CDH4: variants seen among roughly 807,000 people sequenced by gnomAD.
CDH4 encodes cadherin-4.
CDH4 carries 33 observed loss-of-function variants against 86.0 expected under a neutral mutation model. The observed-to-expected ratio is 0.38, with a 90% CI of 0.29 to 0.51. CDH4 has a LOEUF of 0.51. CDH4 is among the 20% of genes least tolerant of loss of function. The pLI, the probability that CDH4 is intolerant of heterozygous loss-of-function variation, is 0.86. For missense variants in CDH4, 1,114 were observed against 1,307.4 expected (o/e 0.85, Z 2.28); for synonymous variants, 555 against 549.4 (o/e 1.01, Z -0.14).
chr20:61,816,350 G>C (rs1050724474), intron 4 of CDH4, among the ~76,000 whole-genome samples: 2 of 152,188 alleles, frequency 1.3e-5, no homozygotes, highest in Non-Finnish European at 2.9e-5. Context: ...CATTCTGGTA[G>C]CAGAGTTCAG....
intron 2 of CDH4, among the ~76,000 whole-genome samples, chr20:61,653,920 A>AG (rs371469938): frequency 0.35 from 43,587 of 125,542 alleles, 9,967 homozygotes; most frequent in Non-Finnish European, 0.44. Flanking sequence ...GGCCGCGCAG[A>AG]GACACTCCTC....
chr20:61,367,120 A>G (rs2084814929), intron 2 of CDH4, among the ~76,000 whole-genome samples: 1 of 152,150 alleles, frequency 6.6e-6, no homozygotes, highest in African/African-American at 2.4e-5. Context: ...GCAAATGTGC[A>G]GGTCCTCAGG....
chr20:61,832,637 A>G (rs1214475021), intron 4 of CDH4, among the ~76,000 whole-genome samples: 1 of 152,132 alleles, frequency 6.6e-6, no homozygotes, highest in African/African-American at 2.4e-5. Flanking sequence ...CACTTATGAA[A>G]CCATCAGATC....
chr20:61,572,378 G>C (rs2086347994), intron 2 of CDH4, among the ~76,000 whole-genome samples: 1 of 152,240 alleles, frequency 6.6e-6, no homozygotes, highest in African/African-American at 2.4e-5. Flanking sequence ...AAAAGCTGGA[G>C]TGGGAGACGC....
intron 2 of CDH4, among the ~76,000 whole-genome samples, chr20:61,416,643 G>A (rs1327826188): frequency 6.6e-6 from 1 of 152,076 alleles, no homozygotes; most frequent in Non-Finnish European, 1.5e-5. Context: ...TTTTTATTTT[G>A]GAGGAAGCTT....
intron 2 of CDH4, among the ~76,000 whole-genome samples, chr20:61,556,581 C>T (rs910203802): frequency 6.6e-6 from 1 of 152,212 alleles, no homozygotes; most frequent in African/African-American, 2.4e-5. Flanking sequence ...TCTTGGCCAT[C>T]ACACGGCGAA....
At chr20:61,830,449 C>T (rs1373201221) in intron 4 of CDH4, among the ~76,000 whole-genome samples, 1 of 151,538 alleles carries the variant, frequency 6.6e-6, no homozygotes, top group Non-Finnish European at 1.5e-5. Context: ...CCCGGGGCCT[C>T]TGCCATCCGG....
chr20:61,890,516 C>A (rs6121484), intron 7 of CDH4, among the ~76,000 whole-genome samples: 8,624 of 149,056 alleles, frequency 0.058, 618 homozygotes, highest in African/African-American at 0.17. Flanking sequence ...ATGATGGATG[C>A]TGGACAGGTG....
At chr20:61,521,369 TAAG>T (rs1320194546) in intron 2 of CDH4, among the ~76,000 whole-genome samples, 1 of 152,132 alleles carries the variant, frequency 6.6e-6, no homozygotes, top group Non-Finnish European at 1.5e-5. Flanking sequence ...GAGTATATTT[TAAG>T]AGGAGGAGAG....
chr20:61,791,877 A>G (rs2386937), intron 4 of CDH4, among the ~76,000 whole-genome samples: 124,457 of 150,894 alleles, frequency 0.82, 51,761 homozygotes, highest in East Asian at 0.93. Flanking sequence ...TGTGCGGTGA[A>G]AATATGAGTG....
intron 2 of CDH4, among the ~76,000 whole-genome samples, chr20:61,630,192 C>T (rs1440417981): frequency 6.6e-6 from 1 of 152,228 alleles, no homozygotes; most frequent in African/African-American, 2.4e-5. Flanking sequence ...CCCAGTCAGG[C>T]GTCTGCCAGC....
At chr20:61,572,694 G>A (rs1293555515) in intron 2 of CDH4, among the ~76,000 whole-genome samples, 1 of 152,228 alleles carries the variant, frequency 6.6e-6, no homozygotes, top group Admixed American at 6.5e-5. Flanking sequence ...ATCTGGATCA[G>A]TTTGCGTCAC....
chr20:61,268,025 G>A lies in CDH4; in HGVS notation c.169+13088G>A, dbSNP rs551166323. Among the ~76,000 whole-genome samples, 23 of 152,316 alleles carry A rather than the reference G, an allele frequency of 1.5e-4. No individual in the cohort carries two copies. The East Asian group carries it at 3.3e-3, about 22-fold the overall frequency. ...GTGTTGCAGCGGGCTGATTGCAGACGTGGGTCTGGGCCTGTACTTGACAGG... is the reference window on the plus strand; with the variant it reads ...GTGTTGCAGCGGGCTGATTGCAGACATGGGTCTGGGCCTGTACTTGACAGG... On this transcript the variant is annotated intron_variant, in intron 2 of 15. Transcript: ENST00000614565.
intron 8 of CDH4, among the ~76,000 whole-genome samples, chr20:61,895,268 C>T (rs888886542): frequency 2.6e-5 from 4 of 152,204 alleles, no homozygotes. Context: ...AGGGGACCGG[C>T]GGCGGAGGTC....
In CDH4 at chr20:61,811,250, C is replaced by T. The variant is rs183801173; in HGVS notation, c.577-33418C>T. On this transcript the variant is annotated intron_variant, in intron 4 of 15. Coordinates refer to ENST00000614565, the MANE Select transcript of CDH4 (RefSeq NM_001794.5). The surrounding 1 kb of genome is among the most constrained non-coding windows in gnomAD (Gnocchi z 4.4). Reference sequence around the variant, plus strand: ...AGAATTGCTGGAGGAAACATCCAAACGGCTTGAACTTTGGCAAGGAGCTTT... The same window carrying T: ...AGAATTGCTGGAGGAAACATCCAAATGGCTTGAACTTTGGCAAGGAGCTTT... Among the ~76,000 whole-genome samples, 4 of 152,338 alleles carry T rather than the reference C, an allele frequency of 2.6e-5. No homozygotes were observed. The highest frequency in any genetic ancestry group is 2.9e-5 in the Non-Finnish European group (2 of 68,034).
intron 2 of CDH4, among the ~76,000 whole-genome samples, chr20:61,720,387 G>A (rs922601390): frequency 1.3e-5 from 2 of 151,654 alleles, no homozygotes; most frequent in Non-Finnish European, 2.9e-5. Context: ...GGTGCAGAGT[G>A]TAGGGGTGCA....
At chr20:61,561,043 C>T (rs572266580) in intron 2 of CDH4, among the ~76,000 whole-genome samples, 1 of 152,320 alleles carries the variant, frequency 6.6e-6, no homozygotes, top group South Asian at 2.1e-4. Flanking sequence ...CAGGTCCCCA[C>T]CCACAGGCAA....
intron 11 of CDH4, 105 bp downstream of exon 11, chr20:61,924,581 G>T (rs2055024490): frequency 3.9e-6 from 5 of 1,289,616 alleles, no homozygotes; most frequent in Admixed American, 2.3e-5. Flanking sequence ...AGGCCAGCAG[G>T]CATCCAGAGG....
intron 2 of CDH4, among the ~76,000 whole-genome samples, chr20:61,453,818 C>G (rs944016665): frequency 6.6e-6 from 1 of 152,082 alleles, no homozygotes; most frequent in Admixed American, 6.5e-5. Context: ...TGGGAGGGAC[C>G]CAGTGGGAGG....
Sources: gnomAD v4.1 joint callset for allele counts (sites outside exome capture counted in the v4.1 genomes callset) on GRCh38, gnomAD v4.1.1 for gene constraint, Gnocchi (gnomAD v3.1) non-coding constraint, MANE v1.5 for transcripts, NCBI Gene and HGNC (gene_info 2026-07-23, HGNC 2026-07-21) for gene names.